Variants in CNBD1 observed in about 807,000 individuals in gnomAD.
CNBD1 encodes cyclic nucleotide binding domain containing 1, also known as cyclic nucleotide-binding domain-containing protein 1.
In CNBD1, 71 loss-of-function variants were observed where a neutral mutation model predicts 54.4. That is an observed-to-expected ratio of 1.30 (90% CI 1.08 to 1.59). The LOEUF (loss-of-function observed/expected upper bound fraction) is 1.59, where lower values mean the gene tolerates loss of function less well. CNBD1 is among the 40% of genes most tolerant of loss of function. CNBD1 has a pLI of 0.00. For synonymous variants in CNBD1, 182 were observed against 170.7 expected (o/e 1.07, Z -0.51); for missense variants, 659 against 518.0 (o/e 1.27, Z -2.64).
At chr8:87,258,034 A>T (rs1421007535) in intron 6 of CNBD1, among the ~76,000 whole-genome samples, 2 of 152,150 alleles carry the variant, frequency 1.3e-5, no homozygotes, top group African/African-American at 4.8e-5. Context: ...CTGAAGATTA[A>T]ACATTATTTT....
chr8:87,328,235 A>G (rs1266856899), intron 8 of CNBD1, among the ~76,000 whole-genome samples: 1 of 151,496 alleles, frequency 6.6e-6, no homozygotes, highest in East Asian at 1.9e-4. Context: ...AAGAGGCTAT[A>G]TTTCCTTCAT....
chr8:87,338,099 C>T (rs1490413106), intron 8 of CNBD1, among the ~76,000 whole-genome samples: 1 of 152,124 alleles, frequency 6.6e-6, no homozygotes, highest in African/African-American at 2.4e-5. Context: ...TTGCAATATA[C>T]ACTTAAACCT....
chr8:87,322,877 C>T (rs1442303707), intron 8 of CNBD1, among the ~76,000 whole-genome samples: 1 of 117,876 alleles, frequency 8.5e-6, no homozygotes, highest in African/African-American at 3.3e-5. Context: ...GAAGTCCTTG[C>T]CCATGCCTAG....
At chr8:87,176,316 T>C (rs1216717968) in intron 4 of CNBD1, among the ~76,000 whole-genome samples, 1 of 152,188 alleles carries the variant, frequency 6.6e-6, no homozygotes, top group Non-Finnish European at 1.5e-5. Flanking sequence ...CTTTATTATG[T>C]TCTTTAGTAT....
intron 8 of CNBD1, among the ~76,000 whole-genome samples, chr8:87,331,386 A>T (rs1053883915): frequency 6.6e-6 from 1 of 152,240 alleles, no homozygotes; most frequent in African/African-American, 2.4e-5. Flanking sequence ...TGCAAAGGAC[A>T]TGATCTCATT....
intron 4 of CNBD1, among the ~76,000 whole-genome samples, chr8:87,149,150 A>G (rs1368973442): frequency 6.6e-6 from 1 of 152,168 alleles, no homozygotes; most frequent in African/African-American, 2.4e-5. Context: ...TAGGTAGGAT[A>G]TGTTATTTCT....
intron 3 of CNBD1, among the ~76,000 whole-genome samples, chr8:86,918,240 T>C (rs1158853994): frequency 6.6e-6 from 1 of 152,156 alleles, no homozygotes; most frequent in Admixed American, 6.5e-5. Context: ...AAAAAAAAAT[T>C]TGTAAACATG....
rs757932532 is a variant in CNBD1, at chr8:87,353,735, A to G, written c.1252A>G (p.Ile418Val). Residue 418 changes from isoleucine to valine, a missense_variant, in exon 10 of 11, where the codon ATT becomes GTT. By Grantham distance (29) the Ile-to-Val change is conservative. Coordinates refer to ENST00000518476, the MANE Select transcript of CNBD1 (RefSeq NM_173538.3). Reference protein sequence around the residue: ...LLQVPFTCTIITKKEVEMAII... With the variant: ...LLQVPFTCTIVTKKEVEMAII... Reference sequence around the variant, plus strand: ...TCAAGTTCCTTTCACGTGCACAATCATTACCAAAAAAGAAGTTGAGATGGC... The same window carrying G: ...TCAAGTTCCTTTCACGTGCACAATCGTTACCAAAAAAGAAGTTGAGATGGC... 3.1e-6 allele frequency: 5 copies of G among 1,611,664 alleles called. No individual in the cohort carries two copies. The highest frequency in any genetic ancestry group is 4.2e-6 in the Non-Finnish European group (5 of 1,178,856).
At chr8:87,090,642 A>C (rs1811186431) in intron 4 of CNBD1, among the ~76,000 whole-genome samples, 1 of 152,186 alleles carries the variant, frequency 6.6e-6, no homozygotes, top group Non-Finnish European at 1.5e-5. Flanking sequence ...CTCGTGTAAT[A>C]AATTTACTGA....
intron 6 of CNBD1, among the ~76,000 whole-genome samples, chr8:87,247,682 T>C (rs1239763320): frequency 6.6e-6 from 1 of 152,172 alleles, no homozygotes; most frequent in African/African-American, 2.4e-5. Flanking sequence ...TGGCCAGTGA[T>C]CTACCTTTAG....
chr8:86,930,188 T>C (rs1229866461), intron 3 of CNBD1, among the ~76,000 whole-genome samples: 2 of 152,184 alleles, frequency 1.3e-5, no homozygotes, highest in East Asian at 3.9e-4. Context: ...ACTGTTTTAA[T>C]GTCTTACAGC....
At chr8:86,952,039 T>G (rs149276691) in intron 4 of CNBD1, among the ~76,000 whole-genome samples, 90 of 152,280 alleles carry the variant, frequency 5.9e-4, no homozygotes, top group African/African-American at 2.1e-3. Flanking sequence ...ATTGCTTCCT[T>G]TGGAAAGGAA....
chr8:87,361,709 T>TATATATATATATATATATATATATA (rs1554582984), intron 10 of CNBD1, among the ~76,000 whole-genome samples: 2 of 150,268 alleles, frequency 1.3e-5, no homozygotes, highest in African/African-American at 2.4e-5. Context: ...TATATATATA[T>TATATATATATATATATATATATATA]TCTTGTTCAC....
intron 4 of CNBD1, among the ~76,000 whole-genome samples, chr8:87,161,734 C>T (rs895338261): frequency 6.6e-6 from 1 of 152,042 alleles, no homozygotes; most frequent in African/African-American, 2.4e-5. Context: ...TGTATTTTGT[C>T]AGATATGCCT....
At chr8:87,080,090 C>T (rs540040290) in intron 4 of CNBD1, among the ~76,000 whole-genome samples, 17 of 152,266 alleles carry the variant, frequency 1.1e-4, no homozygotes, top group African/African-American at 3.9e-4. Flanking sequence ...TAACATTTCT[C>T]GTCATCCTTG....
intron 6 of CNBD1, among the ~76,000 whole-genome samples, chr8:87,260,519 C>T (rs1398117080): frequency 6.6e-6 from 1 of 152,034 alleles, no homozygotes; most frequent in Non-Finnish European, 1.5e-5. Context: ...TTCTTTTTTG[C>T]ATTAATCAAA....
At chr8:87,002,043 G>C (rs973065577) in intron 4 of CNBD1, among the ~76,000 whole-genome samples, 1 of 152,128 alleles carries the variant, frequency 6.6e-6, no homozygotes, top group African/African-American at 2.4e-5. Context: ...ATGTGCCATT[G>C]TACTTTTCTA....
rs1166199276 is a variant in CNBD1, at chr8:87,075,117, C to T, written c.432-130876C>T. On this transcript the variant is annotated intron_variant, in intron 4 of 10. Transcript: ENST00000518476. ...GTAAAACTCCTGGAGCACTATGGCA[C>T]ATAGTGAGCATATATGAAGTTAATC... 3.3e-5 allele frequency among the ~76,000 whole-genome samples: 5 copies of T among 152,242 alleles called. No homozygotes were observed. The East Asian group carries it at 7.7e-4, about 24-fold the overall frequency.
At chr8:86,999,126 C>T (rs921946678) in intron 4 of CNBD1, among the ~76,000 whole-genome samples, 9 of 152,088 alleles carry the variant, frequency 5.9e-5, no homozygotes, top group African/African-American at 1.7e-4. Flanking sequence ...GAAGAGTGAC[C>T]GAAGGGCAGG....
Sources: allele counts gnomAD v4.1 joint callset (sites outside exome capture counted in the v4.1 genomes callset), GRCh38; gene constraint gnomAD v4.1.1; transcripts MANE v1.5; gene names NCBI Gene and HGNC (gene_info 2026-07-23, HGNC 2026-07-21).